ST6GALNAC3: variants seen among roughly 807,000 people sequenced by gnomAD.
ST6GALNAC3 encodes ST6 N-acetylgalactosaminide alpha-2,6-sialyltransferase 3.
Under a neutral mutation model 32.7 loss-of-function variants are expected in ST6GALNAC3, and 25 were observed. That is an observed-to-expected ratio of 0.76 (90% CI 0.56 to 1.07). The LOEUF (loss-of-function observed/expected upper bound fraction) is 1.07. Ranked by LOEUF, ST6GALNAC3 falls within the 50% of genes least tolerant of loss-of-function variation. The pLI, the probability that ST6GALNAC3 is intolerant of heterozygous loss-of-function variation, is 0.00. For synonymous variants in ST6GALNAC3, 129 were observed against 133.1 expected (o/e 0.97, Z 0.21); for missense variants, 355 against 382.4 (o/e 0.93, Z 0.60).
intron 3 of ST6GALNAC3, among the ~76,000 whole-genome samples, chr1:76,616,983 C>G (rs1314231409): frequency 6.6e-6 from 1 of 152,090 alleles, no homozygotes; most frequent in Admixed American, 6.5e-5. Context: ...TAGGCTCTGG[C>G]TGAGGCTCAT....
At chr1:76,507,411 G>T (rs1661546020) in intron 3 of ST6GALNAC3, among the ~76,000 whole-genome samples, 1 of 152,048 alleles carries the variant, frequency 6.6e-6, no homozygotes, top group Non-Finnish European at 1.5e-5. Flanking sequence ...CCAAAATTAA[G>T]CCGCATACCT....
At chr1:76,519,923 G>C (rs1286093246) in intron 3 of ST6GALNAC3, among the ~76,000 whole-genome samples, 1 of 151,058 alleles carries the variant, frequency 6.6e-6, no homozygotes, top group Non-Finnish European at 1.5e-5. Context: ...CACACACACT[G>C]TATGTATATT....
chr1:76,319,792 C>A (rs912196328), intron 2 of ST6GALNAC3, among the ~76,000 whole-genome samples: 1 of 152,020 alleles, frequency 6.6e-6, no homozygotes, highest in Admixed American at 6.6e-5. Context: ...TATAATAAAT[C>A]AAAACTTTGT....
chr1:76,525,862 G>T (rs1296254065), intron 3 of ST6GALNAC3, among the ~76,000 whole-genome samples: 1 of 132,946 alleles, frequency 7.5e-6, no homozygotes, highest in East Asian at 2.4e-4. Flanking sequence ...AACTCATTCA[G>T]TACAGCTCCT....
chr1:76,190,760 T>C (rs572780357), intron 1 of ST6GALNAC3, among the ~76,000 whole-genome samples: 2 of 152,204 alleles, frequency 1.3e-5, no homozygotes, highest in Non-Finnish European at 2.9e-5. Flanking sequence ...GGGATTGAGA[T>C]TCCATCTGCC....
At chr1:76,485,728 T>A (rs1415674903) in intron 3 of ST6GALNAC3, among the ~76,000 whole-genome samples, 1 of 152,204 alleles carries the variant, frequency 6.6e-6, no homozygotes, top group Non-Finnish European at 1.5e-5. Context: ...TCTCCTTCAG[T>A]TCTTCTCTGA....
At chr1:76,385,096 G>T (rs5011133) in intron 2 of ST6GALNAC3, among the ~76,000 whole-genome samples, 149,882 of 152,140 alleles carry the variant, frequency 0.99, 73,877 homozygotes, top group Middle Eastern at 1. Flanking sequence ...TTTCCTTGTG[G>T]ACTTGTTATA....
At chr1:76,213,986 G>T (rs1372841075) in intron 1 of ST6GALNAC3, among the ~76,000 whole-genome samples, 1 of 152,150 alleles carries the variant, frequency 6.6e-6, no homozygotes, top group Non-Finnish European at 1.5e-5. Context: ...TTTGGAAAAA[G>T]GGATTAAATA....
intron 2 of ST6GALNAC3, among the ~76,000 whole-genome samples, chr1:76,320,484 C>T (rs560981355): frequency 6.6e-6 from 1 of 152,194 alleles, no homozygotes; most frequent in African/African-American, 2.4e-5. Flanking sequence ...TAATGCTTCT[C>T]TCTGTGTACC....
chr1:76,422,044 T>A (rs1322684171), intron 3 of ST6GALNAC3, among the ~76,000 whole-genome samples: 3 of 151,974 alleles, frequency 2.0e-5, no homozygotes, highest in African/African-American at 7.2e-5. Flanking sequence ...ACATTCTATA[T>A]AATATACTTA....
At chr1:76,190,943 T>C (rs1201179807) in intron 1 of ST6GALNAC3, among the ~76,000 whole-genome samples, 1 of 152,236 alleles carries the variant, frequency 6.6e-6, no homozygotes, top group Non-Finnish European at 1.5e-5. Flanking sequence ...GTCTGCAGAC[T>C]GGCCACATCA....
In ST6GALNAC3 at chr1:76,183,162, A is replaced by G. The variant is rs117737202; in HGVS notation, c.18+108278A>G. Among the ~76,000 whole-genome samples the G allele has an allele frequency of 3.1e-3, 473 of 152,298 alleles. 19 individuals are homozygous for G. The East Asian group carries it at 0.075, about 24-fold the overall frequency. ...TCTTGTGGTCACGTAATGAAAATTT[A>G]GGAGACTTTTCTGTACACCACTTTA... On this transcript the variant is annotated intron_variant, in intron 1 of 4. Transcript: ENST00000328299.
chr1:76,166,382 A>G (rs1323790402), intron 1 of ST6GALNAC3, among the ~76,000 whole-genome samples: 1 of 152,084 alleles, frequency 6.6e-6, no homozygotes, highest in Non-Finnish European at 1.5e-5. Flanking sequence ...TACCAGTACT[A>G]TGCTGTTTGG....
chr1:76,607,226 C>A (rs1647616082), intron 3 of ST6GALNAC3, among the ~76,000 whole-genome samples: 2 of 152,160 alleles, frequency 1.3e-5, no homozygotes, highest in African/African-American at 4.8e-5. Flanking sequence ...GAGCTGTATG[C>A]CCTCTCCGGG....
At chr1:76,408,865 C>G (rs761920142) in intron 2 of ST6GALNAC3, among the ~76,000 whole-genome samples, 1 of 152,028 alleles carries the variant, frequency 6.6e-6, no homozygotes, top group Non-Finnish European at 1.5e-5. Flanking sequence ...TGTAACCCCC[C>G]GCACCATATG....
intron 1 of ST6GALNAC3, among the ~76,000 whole-genome samples, chr1:76,220,533 A>T (rs966222814): frequency 8.5e-5 from 13 of 152,228 alleles, no homozygotes; most frequent in African/African-American, 3.1e-4. Flanking sequence ...CAGATCTTGT[A>T]ATCTATCAAC....
intron 1 of ST6GALNAC3, among the ~76,000 whole-genome samples, chr1:76,300,777 G>C (rs575357393): frequency 1.3e-5 from 2 of 152,124 alleles, no homozygotes; most frequent in East Asian, 3.9e-4. Context: ...GATGATGGCT[G>C]CTTTGTAATC....
intron 3 of ST6GALNAC3, among the ~76,000 whole-genome samples, chr1:76,419,943 T>C (rs1053440640): frequency 2.7e-4 from 35 of 128,830 alleles, no homozygotes; most frequent in African/African-American, 8.8e-4. Context: ...TTTCTTTCTT[T>C]CTTTTTTTTT....
chr1:76,169,251 T>C (rs1394571006), intron 1 of ST6GALNAC3, among the ~76,000 whole-genome samples: 3 of 152,214 alleles, frequency 2.0e-5, no homozygotes, highest in East Asian at 1.9e-4. Flanking sequence ...GAATTTCTTT[T>C]CTTTAAGAAT....
Sources: gnomAD v4.1 joint callset for allele counts (sites outside exome capture counted in the v4.1 genomes callset) on GRCh38, gnomAD v4.1.1 for gene constraint, MANE v1.5 for transcripts, NCBI Gene and HGNC (gene_info 2026-07-23, HGNC 2026-07-21) for gene names.